PKD2L2: variants seen among roughly 807,000 people sequenced by gnomAD.
PKD2L2 encodes polycystin-2-like protein 2.
PKD2L2 carries 67 observed loss-of-function variants against 83.9 expected under a neutral mutation model. That is an observed-to-expected ratio of 0.80 (90% CI 0.66 to 0.98). The LOEUF is 0.98. PKD2L2 is among the 50% of genes least tolerant of loss of function. PKD2L2 has a pLI of 0.00. For synonymous variants in PKD2L2, 223 were observed against 237.8 expected, an observed-to-expected ratio of 0.94 and a Z score of 0.57; for missense variants, 632 against 717.2, an observed-to-expected ratio of 0.88 and a Z score of 1.36.
chr5:137,917,749 T>G (rs766091443), intron 8 of PKD2L2, among the ~76,000 whole-genome samples: 1 of 152,236 alleles, frequency 6.6e-6, no homozygotes, highest in Non-Finnish European at 1.5e-5. Context: ...CACCATCTGG[T>G]CTTTCTCAGA....
intron 14 of PKD2L2, among the ~76,000 whole-genome samples, chr5:137,937,633 A>AT (rs752734526): frequency 6.6e-5 from 10 of 152,220 alleles, no homozygotes; most frequent in Non-Finnish European, 1.5e-4. Context: ...ACATTTTTAG[A>AT]TTACTACTCA....
In PKD2L2 at chr5:137,889,504, T is replaced by G. The variant is rs749662015; in HGVS notation, c.13T>G (p.Ser5Ala). The G allele has an allele frequency of 7.0e-6, 11 of 1,561,232 alleles. No individual in the cohort carries two copies. Among genetic ancestry groups the G allele is most frequent in the Middle Eastern group, 1.7e-4 (1 of 5,912 alleles). Reference protein sequence around the residue: MAEASRWHRGGASKH... With the variant: MAEAARWHRGGASKH... ...GTGCAGGTCCGCCATGGCTGAGGCG[T>G]CACGGTGGCACCGAGGCGGTGAGGG... is the stretch of plus-strand genomic sequence containing the variant. Residue 5 changes from serine (S) to alanine (A), a missense_variant, in exon 1 of 15, where the codon TCA becomes GCA. By Grantham distance (99) the Ser-to-Ala change is moderately conservative (BLOSUM62 1). Coordinates refer to ENST00000508883, the MANE Select transcript of PKD2L2 (RefSeq NM_001300921.2).
At chr5:137,932,336 G>A (rs772228849) in intron 12 of PKD2L2, among the ~76,000 whole-genome samples, 2 of 150,468 alleles carry the variant, frequency 1.3e-5, no homozygotes. Context: ...CAACAAGAGC[G>A]AAACTCTGTC....
rs950047929 is a variant in PKD2L2 at position 137,894,691 on chromosome 5, A to G, written c.524+82A>G. 73 of 1,083,718 alleles carry G rather than the reference A, an allele frequency of 6.7e-5. 3 individuals are homozygous for G. The highest frequency in any genetic ancestry group is 2.1e-5 in the Admixed American group (1 of 47,402). The allele number at this position is 1,083,718 out of a possible 1,614,324, so 67.1% of individuals were successfully genotyped here. ...AGATATGTGTCTTCCAAGTAACACC[A>G]GCTGGGTCCTGGAAGGGTAAGGAAA... On this transcript the variant is annotated intron_variant, in intron 4 of 14. Transcript: ENST00000508883.
chr5:137,899,772 G>A, intron 5 of PKD2L2, 35 bp downstream of exon 5: 1 of 1,234,380 alleles, frequency 8.1e-7, no homozygotes, highest in Non-Finnish European at 1.2e-6. Context: ...ATAGACAGTG[G>A]TCAATGGCCT....
At chr5:137,893,068 CAAA>C (rs201289110) in intron 3 of PKD2L2, among the ~76,000 whole-genome samples, 2 of 150,522 alleles carry the variant, frequency 1.3e-5, no homozygotes, top group African/African-American at 4.9e-5. Flanking sequence ...GGCTCCATCT[CAAA>C]AAAAAAATTT....
At chr5:137,902,853 T>C (rs914860579) in intron 5 of PKD2L2, among the ~76,000 whole-genome samples, 4 of 152,210 alleles carry the variant, frequency 2.6e-5, no homozygotes, top group Non-Finnish European at 5.9e-5. Flanking sequence ...GTGTCTGCTG[T>C]ATCTCTGAAA....
intron 10 of PKD2L2, 109 bp downstream of exon 10, chr5:137,923,630 C>A (rs1410945647): frequency 2.9e-6 from 2 of 679,370 alleles, no homozygotes; most frequent in Admixed American, 4.8e-5. Context: ...CTCCCCACTC[C>A]CACCCCATCC....
intron 5 of PKD2L2, among the ~76,000 whole-genome samples, chr5:137,901,540 C>T (rs964024768): frequency 1.1e-4 from 17 of 152,190 alleles, no homozygotes; most frequent in African/African-American, 3.9e-4. Flanking sequence ...ATCAGGACTA[C>T]CCTTATCTAT....
chr5:137,913,244 C>T (rs1758015787), intron 8 of PKD2L2, among the ~76,000 whole-genome samples: 1 of 139,834 alleles, frequency 7.2e-6, no homozygotes, highest in African/African-American at 2.7e-5. Context: ...AGTGCAGTGG[C>T]ATGATCTCAG....
At chr5:137,894,742 A>C in intron 4 of PKD2L2, 133 bp downstream of exon 4, 1 of 658,332 alleles carries the variant, frequency 1.5e-6, no homozygotes, top group East Asian at 2.7e-5. Flanking sequence ...TAAAAAAGGA[A>C]GATGTGGAGA....
At chr5:137,914,031 CTTTTTTTTTTTTTTTTTTTTTTT>C (rs58118724) in intron 8 of PKD2L2, among the ~76,000 whole-genome samples, 4 of 42,302 alleles carry the variant, frequency 9.5e-5, no homozygotes, top group Admixed American at 4.0e-4. Context: ...CCACACTTGG[CTTTTTTTTTTTTTTTTTTTTTTT>C]TTTTTTTTTT....
intron 12 of PKD2L2, among the ~76,000 whole-genome samples, chr5:137,932,926 G>A (rs1759995243): frequency 6.6e-6 from 1 of 151,998 alleles, no homozygotes; most frequent in African/African-American, 2.4e-5. Context: ...TTGAGTGGGT[G>A]TGATGAGGCT....
Position 137,942,641 on chromosome 5 carries a change from G to A in PKD2L2, c.*275G>A. 1 of 458,850 alleles carries A rather than the reference G, an allele frequency of 2.2e-6. No individual in the cohort carries two copies. Among genetic ancestry groups the A allele is most frequent in the Admixed American group, 4.0e-5 (1 of 24,868 alleles). The allele number at this position is 458,850 out of a possible 1,614,324, so 28.4% of individuals were successfully genotyped here. ...GCTTCAAAAACTGCTGGGATTATAG[G>A]CATGAGCCACTGTGCCTGGCTAGAT... On this transcript the variant is annotated 3_prime_UTR_variant, in exon 15 of 15. Transcript: ENST00000508883.
intron 1 of PKD2L2, chr5:137,890,036 A>C: frequency 6.2e-6 from 1 of 160,240 alleles, no homozygotes; most frequent in Non-Finnish European, 1.4e-5. Context: ...TGTAATCCCA[A>C]CACTTTGGGA....
intron 8 of PKD2L2, among the ~76,000 whole-genome samples, chr5:137,916,868 T>C (rs1758405727): frequency 6.6e-6 from 1 of 152,160 alleles, no homozygotes; most frequent in Non-Finnish European, 1.5e-5. Context: ...CTGATAATCT[T>C]CTTGAGGATT....
chr5:137,937,088 T>C (rs1163466021), intron 14 of PKD2L2, among the ~76,000 whole-genome samples: 1 of 152,198 alleles, frequency 6.6e-6, no homozygotes, highest in Non-Finnish European at 1.5e-5. Flanking sequence ...AAACTATTGA[T>C]GCTATCAAGT....
At chr5:137,934,883 A>C (rs1039598843) in intron 12 of PKD2L2, among the ~76,000 whole-genome samples, 4 of 152,192 alleles carry the variant, frequency 2.6e-5, no homozygotes, top group African/African-American at 9.7e-5. Flanking sequence ...ACTGTCACAC[A>C]CACACACAAA....
At chr5:137,938,210 A>G (rs1193856657) in intron 14 of PKD2L2, 1 of 152,646 alleles carries the variant, frequency 6.6e-6, no homozygotes, top group Non-Finnish European at 1.5e-5. Flanking sequence ...ACAGCCAAAC[A>G]TTAACATTGA....
Sources: gnomAD v4.1 joint callset for allele counts (sites outside exome capture counted in the v4.1 genomes callset) on GRCh38, gnomAD v4.1.1 for gene constraint, MANE v1.5 for transcripts, NCBI Gene and HGNC (gene_info 2026-07-23, HGNC 2026-07-21) for gene names.